Variants in UBE3B observed in about 807,000 individuals in gnomAD.
UBE3B encodes ubiquitin-protein ligase E3B.
In UBE3B, 80 loss-of-function variants were observed where a neutral mutation model predicts 132.3. The observed-to-expected ratio is 0.60, with a 90% CI of 0.50 to 0.73. UBE3B has a LOEUF of 0.73. Among genes scored for constraint, UBE3B ranks in the 30% least tolerant of loss-of-function variants. The probability of loss-of-function intolerance (pLI) is 0.00; values close to 1 mark genes in which losing one functional copy is unlikely to be tolerated. For missense variants in UBE3B, 1,196 were observed against 1,362.5 expected (o/e 0.88, Z 1.92); for synonymous variants, 487 against 520.4 (o/e 0.94, Z 0.87).
chr12:109,506,190 T>C (rs1381926709), intron 14 of UBE3B, among the ~76,000 whole-genome samples: 1 of 152,114 alleles, frequency 6.6e-6, no homozygotes, highest in Non-Finnish European at 1.5e-5. Context: ...AATAGAATAA[T>C]AGAGGTAAGT....
Position 109,483,949 on chromosome 12 carries a change from C to T in UBE3B, c.250C>T (p.Leu84=). The change falls in exon 4 of 28, where the codon CTG becomes TTG. Residue 84 remains leucine (L), a synonymous_variant. Coordinates refer to ENST00000342494, the MANE Select transcript of UBE3B (RefSeq NM_130466.4). The part of the protein sequence containing the change: ...LCIFKIARKL[L]FLFRIKEDNE... ...TATTTTCAAGATTGCCAGGAAACTG[C>T]TGTTCCTATTCAGAATCAAAGAGGA... 2 of 1,614,048 alleles carry T rather than the reference C, an allele frequency of 1.2e-6. No individual in the cohort carries two copies. The highest frequency in any genetic ancestry group is 1.7e-6 in the Non-Finnish European group (2 of 1,179,972).
At chr12:109,541,425 A>G (rs1883609185), downstream of UBE3B, among the ~76,000 whole-genome samples, 1 of 152,218 alleles carries the variant, frequency 6.6e-6, no homozygotes, top group Non-Finnish European at 1.5e-5. Context: ...CCCCAGCTGT[A>G]AAGTAGTGAA....
chr12:109,532,283 A>G (rs953927461), intron 26 of UBE3B, among the ~76,000 whole-genome samples: 1 of 152,224 alleles, frequency 6.6e-6, no homozygotes, highest in Admixed American at 6.5e-5. Context: ...CATTCAGGGA[A>G]TGCTCGTCAC....
Position 109,497,826 on chromosome 12 carries a change from T to C in UBE3B, c.722T>C (p.Ile241Thr). ...GATCTATCTGTGTCTAGCCCTGTGA[T>C]TGCTGCACAGTTCTCAGACAATCTG... ...AAFSLALRPV[I>T]AAQFSDNLIR... Residue 241 changes from isoleucine (I) to threonine (T), a missense_variant, in exon 10 of 28, where the codon ATT becomes ACT. Transcript: ENST00000342494. The C allele has an allele frequency of 6.2e-7, 1 of 1,614,176 alleles. No homozygotes were observed. The highest frequency in any genetic ancestry group is 8.5e-7 in the Non-Finnish European group (1 of 1,180,020).
Position 109,489,904 on chromosome 12 carries a change from GTTTTC to G in UBE3B, c.545-11_545-7del, listed in dbSNP as rs1566077981. ...GGCAAGAGACTTTTTTGTTCTCACT[GTTTTC>G]TTTCTTTAGGTGAAAGTCTTCGACC... On this transcript the variant is annotated splice_polypyrimidine_tract_variant and intron_variant, in intron 7 of 27. Coordinates refer to ENST00000342494, the MANE Select transcript of UBE3B (RefSeq NM_130466.4). The G allele has an allele frequency of 1.2e-6, 2 of 1,613,354 alleles. No individual in the cohort carries two copies. Among genetic ancestry groups the G allele is most frequent in the South Asian group, 1.1e-5 (1 of 91,048 alleles).
At position 109,522,459 on chromosome 12, in the gene UBE3B, C is replaced by T. The variant is rs538958715; in HGVS notation, c.2364+908C>T. ...AAGCCCAGCCAGTCTGTGTGGCCTT[C>T]GCAGTGGGCTCCAGAGCTGCAGGGA... On this transcript the variant is annotated intron_variant, in intron 21 of 27. Coordinates refer to ENST00000342494, the MANE Select transcript of UBE3B (RefSeq NM_130466.4). This position sits in a 1 kb window ranked among gnomAD's most constrained non-coding sequence, Gnocchi z 4.2. 1.2e-4 allele frequency among the ~76,000 whole-genome samples: 18 copies of T among 152,338 alleles called. No homozygotes were observed. The highest frequency in any genetic ancestry group is 1.2e-3 in the East Asian group (6 of 5,182).
chr12:109,491,974 C>T (rs1411733000), intron 9 of UBE3B: 1 of 152,132 alleles, frequency 6.6e-6, no homozygotes, highest in Non-Finnish European at 1.5e-5. Flanking sequence ...CCATGGAAAA[C>T]CTATTTGGAA....
chr12:109,490,799 A>G lies in UBE3B; in HGVS notation c.631-246A>G, dbSNP rs966790680. ...CTTTCCTTTTATAAAAACACTGCATACGGTTTTTTGTTTTTTTGTTTTTTT... is the reference window on the plus strand; with the variant it reads ...CTTTCCTTTTATAAAAACACTGCATGCGGTTTTTTGTTTTTTTGTTTTTTT... On this transcript the variant is annotated intron_variant, in intron 8 of 27. Transcript: ENST00000342494. 9.7e-6 allele frequency: 13 copies of G among 1,337,264 alleles called. No individual in the cohort carries two copies. In the East Asian group the frequency reaches 2.6e-4, roughly 27 times the overall value. The allele number at this position is 1,337,264 out of a possible 1,614,324, so 82.8% of individuals were successfully genotyped here.
At chr12:109,517,858 C>A in intron 19 of UBE3B, 1 of 398,038 alleles carries the variant, frequency 2.5e-6, no homozygotes, top group Non-Finnish European at 5.3e-6. Context: ...TTCCTCCTCA[C>A]GTGTCTTCAT....
chr12:109,522,184 G>A lies in UBE3B; in HGVS notation c.2364+633G>A, dbSNP rs1214750343. 6.6e-6 allele frequency among the ~76,000 whole-genome samples: 1 copy of A among 152,160 alleles called. No individual in the cohort carries two copies. Among genetic ancestry groups the A allele is most frequent in the Non-Finnish European group, 1.5e-5 (1 of 68,020 alleles). ...GGTTGCCGTTAATGGTAAGTGAGGAGGGCCTTCTACGGTGCCCAGCCAGCT... is the reference window on the plus strand; with the variant it reads ...GGTTGCCGTTAATGGTAAGTGAGGAAGGCCTTCTACGGTGCCCAGCCAGCT... On this transcript the variant is annotated intron_variant, in intron 21 of 27. Coordinates refer to ENST00000342494, the MANE Select transcript of UBE3B (RefSeq NM_130466.4). This position sits in a 1 kb window ranked among gnomAD's most constrained non-coding sequence, Gnocchi z 4.2.
rs1481939417 is a variant in UBE3B at position 109,497,771 on chromosome 12, G to C, written c.714-47G>C. 3.8e-6 allele frequency: 6 copies of C among 1,584,150 alleles called. No individual in the cohort carries two copies. The South Asian group carries it at 6.6e-5, about 18-fold the overall frequency. On this transcript the variant is annotated intron_variant, in intron 9 of 27. Transcript: ENST00000342494. ...TTGGTGGGGTTGTGCTTTTGTTCTG[G>C]ATGCACACGGAGACCTGTCTGAATG... is the stretch of plus-strand genomic sequence containing the variant.
chr12:109,509,322 G>A (rs1290800439), intron 15 of UBE3B: 1 of 232,032 alleles, frequency 4.3e-6, no homozygotes, highest in Non-Finnish European at 8.4e-6. Flanking sequence ...TGTTACATAG[G>A]TATACATGTG....
chr12:109,479,610 T>G (rs1874998926), intron 1 of UBE3B, among the ~76,000 whole-genome samples: 1 of 152,218 alleles, frequency 6.6e-6, no homozygotes, highest in Admixed American at 6.5e-5. Context: ...AATAAACACT[T>G]GATTGTGTGT....
the UBE3B span, among the ~76,000 whole-genome samples, chr12:109,543,833 TA>T: frequency 5.0e-4 from 69 of 139,242 alleles, no homozygotes; most frequent in Middle Eastern, 3.6e-3. Context: ...GATTGTCTAA[TA>T]AAAAAAAAAA....
chr12:109,478,587 C>T (rs1368961626), intron 1 of UBE3B, among the ~76,000 whole-genome samples: 2 of 152,106 alleles, frequency 1.3e-5, no homozygotes, highest in Non-Finnish European at 2.9e-5. Flanking sequence ...TCAAGACCAG[C>T]GTGGCCAACA....
At position 109,497,933 on chromosome 12, in the gene UBE3B, C is replaced by T; in HGVS notation, c.819+10C>T. Reference sequence around the variant, plus strand: ...CACAGTGACCCCTGAGGTAAGCAGGCTCTGTGAGTTCCCCGTGAAAACCCA... The same window carrying T: ...CACAGTGACCCCTGAGGTAAGCAGGTTCTGTGAGTTCCCCGTGAAAACCCA... On this transcript the variant is annotated intron_variant, in intron 10 of 27. Coordinates refer to ENST00000342494, the MANE Select transcript of UBE3B (RefSeq NM_130466.4). 1 of 1,613,198 alleles carries T rather than the reference C, an allele frequency of 6.2e-7. No individual in the cohort carries two copies. The highest frequency in any genetic ancestry group is 8.5e-7 in the Non-Finnish European group (1 of 1,179,294).
rs1353411441 is a variant in UBE3B, at chr12:109,501,528, G to C, written c.1276G>C (p.Val426Leu). The change falls in exon 13 of 28, where the codon GTG (valine) becomes CTG (leucine). Residue 426 changes from valine to leucine, a missense_variant. By Grantham distance (32) the Val-to-Leu change is conservative. Coordinates refer to ENST00000342494, the MANE Select transcript of UBE3B (RefSeq NM_130466.4). ...QPASPQNVLPVKSLLKRAFQK... is the reference protein window; with the variant it reads ...QPASPQNVLPLKSLLKRAFQK... ...AGCATCCCCTCAGAATGTGCTCCCA[G>C]TGAAGAGTGAGTGACGGGAGCAGGC... 2.5e-6 allele frequency: 4 copies of C among 1,613,346 alleles called. No individual in the cohort carries two copies. Among genetic ancestry groups the C allele is most frequent in the Non-Finnish European group, 3.4e-6 (4 of 1,179,724 alleles).
At chr12:109,505,401 A>G (rs968446694) in intron 14 of UBE3B, among the ~76,000 whole-genome samples, 21 of 152,332 alleles carry the variant, frequency 1.4e-4, no homozygotes, top group African/African-American at 4.3e-4. Flanking sequence ...GTGTGATGCT[A>G]TGAGCATTCT....
intron 1 of UBE3B, 91 bp from the exon 2 acceptor site, chr12:109,481,546 G>A (rs1875439196): frequency 6.6e-6 from 1 of 152,154 alleles, no homozygotes; most frequent in Non-Finnish European, 1.5e-5. Flanking sequence ...TGGCATTGTA[G>A]TTACTACTTT....
Sources: allele counts gnomAD v4.1 joint callset (sites outside exome capture counted in the v4.1 genomes callset), GRCh38; gene constraint gnomAD v4.1.1; non-coding constraint Gnocchi (gnomAD v3.1); transcripts MANE v1.5; gene names NCBI Gene and HGNC (gene_info 2026-07-23, HGNC 2026-07-21).